Variants in SPHKAP observed in about 807,000 individuals in gnomAD.
SPHKAP encodes the protein SPHK1 interactor, AKAP domain containing, also known as A-kinase anchor protein SPHKAP.
SPHKAP carries 67 observed loss-of-function variants against 137.5 expected under a neutral mutation model. The ratio of observed to expected loss-of-function variants is 0.49; its 90% CI spans 0.40 to 0.60. The LOEUF is 0.60. SPHKAP is among the 20% of genes least tolerant of loss of function. SPHKAP has a pLI of 0.00. For missense variants in SPHKAP, 2,097 were observed against 2,069.3 expected, an observed-to-expected ratio of 1.01 and a Z score of -0.26; for synonymous variants, 813 against 785.3, an observed-to-expected ratio of 1.04 and a Z score of -0.59.
chr2:228,059,239 A>G (rs756027251), intron 3 of SPHKAP, among the ~76,000 whole-genome samples: 39 of 152,266 alleles, frequency 2.6e-4, no homozygotes, highest in Non-Finnish European at 4.9e-4. Context: ...ATAAATTTTC[A>G]TTCCACTCGA....
intron 7 of SPHKAP, among the ~76,000 whole-genome samples, chr2:228,004,441 T>G (rs1694046263): frequency 6.6e-6 from 1 of 152,082 alleles, no homozygotes; most frequent in Non-Finnish European, 1.5e-5. Flanking sequence ...GTCTATTCGA[T>G]TCTTCTCTGT....
chr2:228,012,910 G>T (rs1161242370), intron 7 of SPHKAP, among the ~76,000 whole-genome samples: 1 of 152,174 alleles, frequency 6.6e-6, no homozygotes, highest in African/African-American at 2.4e-5. Flanking sequence ...TATCAAAAAA[G>T]TAAGAAAGTG....
chr2:228,065,950 G>A (rs1329169469), intron 3 of SPHKAP, among the ~76,000 whole-genome samples: 1 of 152,156 alleles, frequency 6.6e-6, no homozygotes, highest in East Asian at 1.9e-4. Flanking sequence ...GGTAATGATG[G>A]TGCAGCTGTG....
intron 3 of SPHKAP, among the ~76,000 whole-genome samples, chr2:228,057,901 C>A (rs1167356895): frequency 6.6e-6 from 1 of 152,070 alleles, no homozygotes; most frequent in Non-Finnish European, 1.5e-5. Flanking sequence ...TGGTTTGGAG[C>A]TTTGTTATGA....
At chr2:228,155,099 G>A (rs1341269304) in intron 1 of SPHKAP, among the ~76,000 whole-genome samples, 2 of 151,998 alleles carry the variant, frequency 1.3e-5, no homozygotes, top group East Asian at 3.9e-4. Context: ...TTAGTTCCTA[G>A]CTGTACCTTT....
rs1214497632 is a variant in SPHKAP, at chr2:228,181,443, C to T, written c.32+124G>A. The T allele has an allele frequency of 1.5e-6, 2 of 1,331,254 alleles. No homozygotes were observed. The highest frequency in any genetic ancestry group is 2.2e-6 in the Non-Finnish European group (2 of 924,758). The allele number at this position is 1,331,254 out of a possible 1,614,324, so 82.5% of individuals were successfully genotyped here. A position where few individuals can be genotyped will look rare whatever the true frequency, so the allele number is the denominator to read the frequency against. ...CGGACTTATTTACAAGTGCAGTGAC[C>T]CCTGTCTCCTCGCTGGGAGCCCCGT... On this transcript the variant is annotated intron_variant, in intron 1 of 11. Transcript: ENST00000392056. The surrounding 1 kb of genome is among the most constrained non-coding windows in gnomAD (Gnocchi z 4.3).
Position 228,013,630 on chromosome 2 carries a change from A to ATT in SPHKAP, c.4448+2775_4448+2776insAA, listed in dbSNP as rs1694467375. ...CAAACAGCAATGACAACAACCAAAA[A>ATT]GCAAGCATTTATTACAACAGGCGAG... On this transcript the variant is annotated intron_variant, in intron 7 of 11. Transcript: ENST00000392056. Among the ~76,000 whole-genome samples the ATT allele has an allele frequency of 5.3e-5, 8 of 152,344 alleles. No individual in the cohort carries two copies. In the South Asian group the frequency reaches 1.2e-3, roughly 24 times the overall value.
intron 3 of SPHKAP, 55 bp from the exon 4 acceptor site, chr2:228,027,598 T>A (rs927493912): frequency 4.0e-5 from 63 of 1,559,748 alleles, no homozygotes; most frequent in Non-Finnish European, 5.6e-5. Flanking sequence ...ACTGTCTTTT[T>A]AGAAGAAAGA....
chr2:228,094,824 C>T (rs745990602), intron 3 of SPHKAP, among the ~76,000 whole-genome samples: 8 of 152,004 alleles, frequency 5.3e-5, no homozygotes, highest in Non-Finnish European at 1.2e-4. Flanking sequence ...AAATATATCT[C>T]GGAATTAGGT....
chr2:228,030,617 A>G (rs1695271291), intron 3 of SPHKAP, among the ~76,000 whole-genome samples: 1 of 151,130 alleles, frequency 6.6e-6, no homozygotes, highest in East Asian at 1.9e-4. Flanking sequence ...TTTAGAAGGA[A>G]AAAAGGAATT....
chr2:228,165,479 T>A (rs1323176928), intron 1 of SPHKAP, among the ~76,000 whole-genome samples: 2 of 152,200 alleles, frequency 1.3e-5, no homozygotes, highest in African/African-American at 4.8e-5. Context: ...AGAATAATAA[T>A]TTTAAGGTAT....
At position 227,979,966 on chromosome 2, in the gene SPHKAP, A is replaced by C. The variant is rs943792818; in HGVS notation, c.*1751T>G. Reference sequence around the variant, plus strand: ...AAAATAATCAACAATCTGACAACAGAGATTTATTGATTAATTTGCAATGTT... The same window carrying C: ...AAAATAATCAACAATCTGACAACAGCGATTTATTGATTAATTTGCAATGTT... On this transcript the variant is annotated 3_prime_UTR_variant, in exon 12 of 12. Transcript: ENST00000392056. 6.5e-6 allele frequency: 1 copy of C among 152,704 alleles called. No individual in the cohort carries two copies. Among genetic ancestry groups the C allele is most frequent in the East Asian group, 1.9e-4 (1 of 5,188 alleles). The allele number at this position is 152,704 out of a possible 1,614,324, so 9.5% of individuals were successfully genotyped here. A position where few individuals can be genotyped will look rare whatever the true frequency, so the allele number is the denominator to read the frequency against.
Position 228,018,569 on chromosome 2 carries a change from C to G in SPHKAP, c.2285G>C (p.Trp762Ser). The G allele has an allele frequency of 6.2e-7, 1 of 1,613,670 alleles. No individual in the cohort carries two copies. The highest frequency in any genetic ancestry group is 8.5e-7 in the Non-Finnish European group (1 of 1,179,746). The change falls in exon 7 of 12, where the codon TGG becomes TCG. Residue 762 changes from tryptophan to serine, a missense_variant. Transcript: ENST00000392056. ...GCTGGAGGATTCAGTGGCTTTTGTCCAAGCTTGACTAGCACCCGGATCAGA... is the reference window on the plus strand; with the variant it reads ...GCTGGAGGATTCAGTGGCTTTTGTCGAAGCTTGACTAGCACCCGGATCAGA... ...QPSDPGASQAWTKATESSSSS... is the reference protein window; with the variant it reads ...QPSDPGASQASTKATESSSSS...
chr2:228,002,775 T>C (rs559211041), intron 7 of SPHKAP, among the ~76,000 whole-genome samples: 1 of 151,626 alleles, frequency 6.6e-6, no homozygotes, highest in East Asian at 1.9e-4. Context: ...CAGTTTCAGC[T>C]TTCTACATAT....
At chr2:228,060,128 G>A (rs1696586811) in intron 3 of SPHKAP, among the ~76,000 whole-genome samples, 1 of 152,088 alleles carries the variant, frequency 6.6e-6, no homozygotes, top group Admixed American at 6.6e-5. Context: ...ATGAAAAAGG[G>A]TCTGAAAAGC....
intron 11 of SPHKAP, among the ~76,000 whole-genome samples, chr2:227,989,778 G>GTTT (rs33974192): frequency 7.1e-6 from 1 of 141,000 alleles, no homozygotes; most frequent in Non-Finnish European, 1.5e-5. Context: ...GCTAATTTTT[G>GTTT]TTTTTTTTTT....
At chr2:228,115,917 C>T (rs914505582) in intron 2 of SPHKAP, among the ~76,000 whole-genome samples, 6 of 152,126 alleles carry the variant, frequency 3.9e-5, no homozygotes, top group Admixed American at 3.3e-4. Flanking sequence ...TAAAAGGGCT[C>T]TGCCCTCATG....
chr2:228,166,418 T>G (rs776758200), intron 1 of SPHKAP, among the ~76,000 whole-genome samples: 1 of 152,186 alleles, frequency 6.6e-6, no homozygotes, highest in African/African-American at 2.4e-5. Flanking sequence ...CATGCCTTTT[T>G]CCAAGTTTTA....
In SPHKAP at chr2:228,018,546, T is replaced by C; in HGVS notation, c.2308A>G (p.Ser770Gly). 6.2e-7 allele frequency: 1 copy of C among 1,614,022 alleles called. No individual in the cohort carries two copies. The highest frequency in any genetic ancestry group is 8.5e-7 in the Non-Finnish European group (1 of 1,179,918). Reference sequence around the variant, plus strand: ...TGTGAATTGCTAAGTGGAGAGCTGCTGGAGGATTCAGTGGCTTTTGTCCAA... The same window carrying C: ...TGTGAATTGCTAAGTGGAGAGCTGCCGGAGGATTCAGTGGCTTTTGTCCAA... Reference protein sequence around the residue: ...QAWTKATESSSSSPLSNSHNT... With the variant: ...QAWTKATESSGSSPLSNSHNT... Residue 770 changes from serine to glycine, a missense_variant, in exon 7 of 12, where the codon AGC (serine) becomes GGC (glycine). Ser to Gly is a moderately conservative substitution (Grantham distance 56, BLOSUM62 0). Coordinates refer to ENST00000392056, the MANE Select transcript of SPHKAP (RefSeq NM_001142644.2).
Sources: allele counts gnomAD v4.1 joint callset (sites outside exome capture counted in the v4.1 genomes callset), GRCh38; gene constraint gnomAD v4.1.1; non-coding constraint Gnocchi (gnomAD v3.1); transcripts MANE v1.5; gene names NCBI Gene and HGNC (gene_info 2026-07-23, HGNC 2026-07-21).